CCNI: variants seen among roughly 807,000 people sequenced by gnomAD.
CCNI encodes the protein cyclin I.
In CCNI, 14 loss-of-function variants were observed where a neutral mutation model predicts 34.1. That is an observed-to-expected ratio of 0.41 (90% CI 0.27 to 0.64). The LOEUF (loss-of-function observed/expected upper bound fraction) is 0.64, where lower values mean the gene tolerates loss of function less well. Ranked by LOEUF, CCNI falls within the 30% of genes least tolerant of loss-of-function variation. The pLI, the probability that CCNI is intolerant of heterozygous loss-of-function variation, is 0.31. For missense variants in CCNI, 385 were observed against 440.5 expected (o/e 0.87, Z 1.13); for synonymous variants, 154 against 158.4 (o/e 0.97, Z 0.21).
In CCNI at chr4:77,047,825, G is replaced by T; in HGVS notation, c.*394C>A. On this transcript the variant is annotated 3_prime_UTR_variant, in exon 7 of 7. Transcript: ENST00000237654. ...CATAAAGTTCAGTAACTATTAAATG[G>T]AGAAGCAAGCAAAAGCAACAGGAAA... 5.8e-6 allele frequency: 1 copy of T among 173,192 alleles called. No individual in the cohort carries two copies. The highest frequency in any genetic ancestry group is 1.3e-5 in the Non-Finnish European group (1 of 79,652). 10.7% of individuals were successfully genotyped at this position (173,192 alleles called of 1,614,324 possible). A position where few individuals can be genotyped will look rare whatever the true frequency, so the allele number is the denominator to read the frequency against.
chr4:77,063,926 A>G (rs1728817719), intron 2 of CCNI, among the ~76,000 whole-genome samples: 2 of 152,094 alleles, frequency 1.3e-5, no homozygotes, highest in Non-Finnish European at 2.9e-5. Flanking sequence ...TTACCACACC[A>G]GTATTCATTA....
chr4:77,075,472 C>T lies in CCNI; in HGVS notation c.-44G>A. On this transcript the variant is annotated splice_region_variant and 5_prime_UTR_variant, in exon 1 of 7. Coordinates refer to ENST00000237654, the MANE Select transcript of CCNI (RefSeq NM_006835.3). ...CCCCGCCCCCGCCCCCGCCCCTCACCTTCTCCTCCTCTTCCTCCTCCTCCT... is the reference window on the plus strand; with the variant it reads ...CCCCGCCCCCGCCCCCGCCCCTCACTTTCTCCTCCTCTTCCTCCTCCTCCT... The T allele has an allele frequency of 2.1e-6, 2 of 960,436 alleles. No individual in the cohort carries two copies. The highest frequency in any genetic ancestry group is 9.6e-5 in the South Asian group (2 of 20,940). The allele number at this position is 960,436 out of a possible 1,614,324, so 59.5% of individuals were successfully genotyped here. A position where few individuals can be genotyped will look rare whatever the true frequency, so the allele number is the denominator to read the frequency against.
intron 3 of CCNI, 113 bp downstream of exon 3, chr4:77,058,394 T>G: frequency 1.4e-6 from 1 of 712,450 alleles, no homozygotes; most frequent in South Asian, 2.0e-5. Flanking sequence ...TACATCATTC[T>G]CCAGCAAAGT....
chr4:77,072,350 G>A (rs1167547887), intron 1 of CCNI, among the ~76,000 whole-genome samples: 1 of 150,648 alleles, frequency 6.6e-6, no homozygotes, highest in Non-Finnish European at 1.5e-5. Context: ...GGGCATGGTG[G>A]CACCTGCTTG....
intron 6 of CCNI, among the ~76,000 whole-genome samples, chr4:77,050,623 G>A (rs894313721): frequency 2.6e-5 from 4 of 151,896 alleles, no homozygotes; most frequent in African/African-American, 7.3e-5. Flanking sequence ...ACACACTGTG[G>A]GTAAGACACT....
intron 2 of CCNI, among the ~76,000 whole-genome samples, chr4:77,062,859 T>A (rs937920776): frequency 1.1e-4 from 17 of 152,220 alleles, no homozygotes; most frequent in African/African-American, 4.1e-4. Flanking sequence ...AACTTGAAAG[T>A]ACTATTACAT....
At chr4:77,056,971 A>G (rs1211950533) in intron 3 of CCNI, among the ~76,000 whole-genome samples, 1 of 152,192 alleles carries the variant, frequency 6.6e-6, no homozygotes, top group Non-Finnish European at 1.5e-5. Flanking sequence ...TCAAAGTTCA[A>G]CCAAAGCCAA....
chr4:77,058,622 G>C lies in CCNI; in HGVS notation c.128C>G (p.Ser43Cys). 1 of 1,613,042 alleles carries C rather than the reference G, an allele frequency of 6.2e-7. No individual in the cohort carries two copies. Among genetic ancestry groups the C allele is most frequent in the Non-Finnish European group, 8.5e-7 (1 of 1,179,392 alleles). Residue 43 changes from serine (S) to cysteine (C), a missense_variant, in exon 3 of 7, where the codon TCC becomes TGC. Physicochemically the swap from Ser to Cys is moderately radical, Grantham distance 112. Around this residue, in one of 2 missense-constraint regions of CCNI, gnomAD observed 135 missense variants for 191.8 expected, o/e 0.70. Coordinates refer to ENST00000237654, the MANE Select transcript of CCNI (RefSeq NM_006835.3). ...KMPSNQNVSP[S>C]QRDEVIQWLA... Reference sequence around the variant, plus strand: ...CCATTGAATTACTTCATCTCTCTGGGATGGAGAAACATTCTATAAGGGAAC... The same window carrying C: ...CCATTGAATTACTTCATCTCTCTGGCATGGAGAAACATTCTATAAGGGAAC...
chr4:77,072,487 G>GA lies in CCNI; in HGVS notation c.-44+2984_-44+2985insT, dbSNP rs1487586689. ...AAAAAAAAAAAAAAAATTTAAACTA[G>GA]CCAGGCATGATGTCACACACCTGCC... is the stretch of plus-strand genomic sequence containing the variant. On this transcript the variant is annotated intron_variant, in intron 1 of 6. Transcript: ENST00000237654. 4.3e-5 allele frequency among the ~76,000 whole-genome samples: 6 copies of GA among 140,512 alleles called. No homozygotes were observed. In the East Asian group the frequency reaches 1.2e-3, roughly 28 times the overall value. 92.2% of individuals were successfully genotyped at this position (140,512 alleles called of 152,430 possible). A position where few individuals can be genotyped will look rare whatever the true frequency, so the allele number is the denominator to read the frequency against.
rs4252809 is a variant in CCNI at position 77,069,695 on chromosome 4, G to A, written c.-43-3290C>T. Among the ~76,000 whole-genome samples, 539 of 147,378 alleles carry A rather than the reference G, an allele frequency of 3.7e-3. 3 individuals are homozygous for A. Among genetic ancestry groups the A allele is most frequent in the African/African-American group, 0.013 (507 of 39,798 alleles). On this transcript the variant is annotated intron_variant, in intron 1 of 6. Transcript: ENST00000237654. ...TGTGTCCACAGCACAGTACTTCGAC[G>A]GAACAGAGACCCAACCAATTGTTCC...
chr4:77,075,376 G>T, intron 1 of CCNI, 96 bp downstream of exon 1: 1 of 379,588 alleles, frequency 2.6e-6, no homozygotes, highest in Non-Finnish European at 3.6e-6. Context: ...CAAGGGCGCT[G>T]CCACGGGGGC....
chr4:77,065,975 C>T (rs566589268), intron 2 of CCNI, among the ~76,000 whole-genome samples: 4 of 152,286 alleles, frequency 2.6e-5, no homozygotes, highest in African/African-American at 9.6e-5. Context: ...GTAGCATGCG[C>T]CTGTAGTCCC....
intron 6 of CCNI, among the ~76,000 whole-genome samples, chr4:77,053,854 T>C (rs745885125): frequency 6.6e-6 from 1 of 152,152 alleles, no homozygotes; most frequent in Non-Finnish European, 1.5e-5. Context: ...TAAATGGTGG[T>C]TTATCATAAT....
At chr4:77,068,359 A>G (rs1729203800) in intron 1 of CCNI, among the ~76,000 whole-genome samples, 1 of 152,236 alleles carries the variant, frequency 6.6e-6, no homozygotes, top group Non-Finnish European at 1.5e-5. Flanking sequence ...ATAAAACTAC[A>G]TTGGCAGGAT....
intron 2 of CCNI, among the ~76,000 whole-genome samples, chr4:77,065,706 T>C (rs1310018099): frequency 1.3e-5 from 2 of 152,136 alleles, no homozygotes; most frequent in African/African-American, 4.8e-5. Flanking sequence ...CTAACTATTT[T>C]CCCAAAGCTG....
rs1377232189 is a variant in CCNI at position 77,048,105 on chromosome 4, C to G, written c.*114G>C. 1.5e-6 allele frequency: 1 copy of G among 681,700 alleles called. No individual in the cohort carries two copies. Among genetic ancestry groups the G allele is most frequent in the African/African-American group, 1.8e-5 (1 of 55,358 alleles). The allele number at this position is 681,700 out of a possible 1,614,324, so 42.2% of individuals were successfully genotyped here. A position where few individuals can be genotyped will look rare whatever the true frequency, so the allele number is the denominator to read the frequency against. ...AGTTTTATTTTTTTTTTCTGGCTCA[C>G]TCCAAATCAGCCTGTTAAGGTATAT... On this transcript the variant is annotated 3_prime_UTR_variant, in exon 7 of 7. Coordinates refer to ENST00000237654, the MANE Select transcript of CCNI (RefSeq NM_006835.3).
chr4:77,049,119 A>AT (rs1330171497), intron 6 of CCNI, among the ~76,000 whole-genome samples: 1 of 151,796 alleles, frequency 6.6e-6, no homozygotes, highest in South Asian at 2.1e-4. Context: ...CAAAAAAAAA[A>AT]TTTTTTTTAA....
At chr4:77,070,014 G>C (rs1483798462) in intron 1 of CCNI, among the ~76,000 whole-genome samples, 1 of 149,754 alleles carries the variant, frequency 6.7e-6, no homozygotes, top group African/African-American at 2.5e-5. Flanking sequence ...CTAAAATCAT[G>C]GGCTTTTTTT....
chr4:77,049,116 A>G lies in CCNI; in HGVS notation c.691-454T>C, dbSNP rs549926083. Among the ~76,000 whole-genome samples the G allele has an allele frequency of 7.2e-5, 11 of 152,180 alleles. No homozygotes were observed. In the East Asian group the frequency reaches 2.1e-3, roughly 29 times the overall value. On this transcript the variant is annotated intron_variant, in intron 6 of 6. Coordinates refer to ENST00000237654, the MANE Select transcript of CCNI (RefSeq NM_006835.3). ...ATGTAAGAAGCCAAAGGGCAAAAAA[A>G]AAATTTTTTTTAATCAGGGATGAGG...
Sources: allele counts gnomAD v4.1 joint callset (sites outside exome capture counted in the v4.1 genomes callset), GRCh38; gene constraint gnomAD v4.1.1; regional missense constraint gnomAD v4.1.1; transcripts MANE v1.5; gene names NCBI Gene and HGNC (gene_info 2026-07-23, HGNC 2026-07-21).